ESRRG: variants seen among roughly 807,000 people sequenced by gnomAD.
ESRRG encodes estrogen related receptor gamma, also known as estrogen-related receptor gamma.
ESRRG carries 13 observed loss-of-function variants against 44.0 expected under a neutral mutation model. The observed-to-expected ratio is 0.30, with a 90% CI of 0.19 to 0.47. ESRRG has a LOEUF of 0.47. Among genes scored for constraint, ESRRG ranks in the 20% least tolerant of loss-of-function variants. The pLI, the probability that ESRRG is intolerant of heterozygous loss-of-function variation, is 1.00. For synonymous variants in ESRRG, 215 were observed against 214.6 expected, an observed-to-expected ratio of 1.00 and a Z score of -0.02; for missense variants, 395 against 580.6, an observed-to-expected ratio of 0.68 and a Z score of 3.29.
chr1:217,015,582 G>C (rs1204267051), intron 1 of ESRRG, among the ~76,000 whole-genome samples: 1 of 151,996 alleles, frequency 6.6e-6, no homozygotes, highest in Non-Finnish European at 1.5e-5. Context: ...AACTAAAATT[G>C]TGTACTCAAT....
At position 216,643,878 on chromosome 1, in the gene ESRRG, A is replaced by G. The variant is rs376940656; in HGVS notation, c.589+7095T>C. ...ATTGGGATTTCCAGGACTTTTTCCC[A>G]TTTTGTCCACCCACCAAATAAGTAG... On this transcript the variant is annotated intron_variant, in intron 3 of 6. Coordinates refer to ENST00000408911, the MANE Select transcript of ESRRG (RefSeq NM_001438.4). Among the ~76,000 whole-genome samples the G allele has an allele frequency of 5.3e-5, 8 of 152,146 alleles. No homozygotes were observed. The East Asian group carries it at 1.4e-3, about 26-fold the overall frequency.
At chr1:217,095,536 G>A (rs2092411071) in intron 1 of ESRRG, among the ~76,000 whole-genome samples, 1 of 152,152 alleles carries the variant, frequency 6.6e-6, no homozygotes. Context: ...GCAGTGGGGA[G>A]GGAGGAGGAA....
chr1:217,012,992 T>C (rs528279195), intron 1 of ESRRG, among the ~76,000 whole-genome samples: 1 of 152,204 alleles, frequency 6.6e-6, no homozygotes. Context: ...CAGATGGTTG[T>C]CTTCTCCATG....
At chr1:216,518,479 A>T (rs1468573120) in intron 6 of ESRRG, among the ~76,000 whole-genome samples, 1 of 152,142 alleles carries the variant, frequency 6.6e-6, no homozygotes, top group African/African-American at 2.4e-5. Flanking sequence ...TTAAGGAGGG[A>T]TCTATCCTGA....
chr1:216,575,533 G>T (rs1157054152), intron 3 of ESRRG, among the ~76,000 whole-genome samples: 1 of 152,066 alleles, frequency 6.6e-6, no homozygotes, highest in Non-Finnish European at 1.5e-5. Flanking sequence ...TCATGTGCTA[G>T]GCAACGGCTT....
At chr1:216,630,920 T>C (rs1447717784) in intron 3 of ESRRG, among the ~76,000 whole-genome samples, 1 of 151,490 alleles carries the variant, frequency 6.6e-6, no homozygotes, top group South Asian at 2.1e-4. Flanking sequence ...GTGAGATTTT[T>C]CATCAGATTT....
chr1:216,931,293 C>T (rs2063311490), intron 2 of ESRRG, among the ~76,000 whole-genome samples: 1 of 152,166 alleles, frequency 6.6e-6, no homozygotes, highest in African/African-American at 2.4e-5. Flanking sequence ...TCTAACCTCA[C>T]CTTCAGAACT....
intron 2 of ESRRG, among the ~76,000 whole-genome samples, chr1:216,759,606 A>G (rs576764579): frequency 3.3e-5 from 5 of 152,278 alleles, no homozygotes; most frequent in East Asian, 1.9e-4. Flanking sequence ...AGCTCCTTAC[A>G]TAGTATTGAG....
intron 1 of ESRRG, among the ~76,000 whole-genome samples, chr1:216,690,692 G>A (rs917348462): frequency 6.6e-6 from 1 of 152,078 alleles, no homozygotes; most frequent in Non-Finnish European, 1.5e-5. Flanking sequence ...CCTATGCCCT[G>A]TACCAGATCG....
At chr1:216,792,781 A>G (rs1432242173) in intron 2 of ESRRG, among the ~76,000 whole-genome samples, 1 of 152,192 alleles carries the variant, frequency 6.6e-6, no homozygotes, top group Non-Finnish European at 1.5e-5. Context: ...GTAGTGGCAC[A>G]TGAAGAAAAA....
At chr1:216,973,041 G>A (rs1308238464) in intron 1 of ESRRG, among the ~76,000 whole-genome samples, 2 of 152,080 alleles carry the variant, frequency 1.3e-5, no homozygotes, top group African/African-American at 2.4e-5. Context: ...TCTACCACTG[G>A]AGTCCAAACC....
chr1:216,565,358 G>T (rs1274324859), intron 4 of ESRRG, among the ~76,000 whole-genome samples: 1 of 151,972 alleles, frequency 6.6e-6, no homozygotes, highest in Non-Finnish European at 1.5e-5. Context: ...GATACAAACG[G>T]GTGAGAATAA....
chr1:217,037,850 T>C (rs1309858440), intron 1 of ESRRG, among the ~76,000 whole-genome samples: 1 of 152,002 alleles, frequency 6.6e-6, no homozygotes, highest in Non-Finnish European at 1.5e-5. Context: ...TGGGAGAAAT[T>C]GGCCAAAACG....
chr1:216,624,163 A>C (rs2062770005), intron 3 of ESRRG, among the ~76,000 whole-genome samples: 2 of 152,216 alleles, frequency 1.3e-5, no homozygotes, highest in Non-Finnish European at 2.9e-5. Flanking sequence ...AGCCATAGGC[A>C]GGAGAGTGTT....
At chr1:216,763,404 C>T (rs1295553554) in intron 2 of ESRRG, among the ~76,000 whole-genome samples, 1 of 151,974 alleles carries the variant, frequency 6.6e-6, no homozygotes, top group Non-Finnish European at 1.5e-5. Context: ...GATTTTGAAC[C>T]CTTTGGTTTT....
intron 2 of ESRRG, among the ~76,000 whole-genome samples, chr1:216,817,055 A>G (rs1271718785): frequency 6.7e-6 from 1 of 148,310 alleles, no homozygotes; most frequent in Non-Finnish European, 1.5e-5. Context: ...AAGAAAGAAA[A>G]TGATAAAAAA....
At chr1:216,878,617 A>G (rs906459557) in intron 2 of ESRRG, among the ~76,000 whole-genome samples, 1 of 152,142 alleles carries the variant, frequency 6.6e-6, no homozygotes, top group Admixed American at 6.5e-5. Flanking sequence ...GTTTCCCTCC[A>G]TGTAGTAACA....
At chr1:216,724,128 G>A (rs1201496242), upstream of ESRRG, among the ~76,000 whole-genome samples, 1 of 152,164 alleles carries the variant, frequency 6.6e-6, no homozygotes, top group Non-Finnish European at 1.5e-5. Flanking sequence ...CTACAGAAGA[G>A]GAGATAGTGA....
intron 2 of ESRRG, among the ~76,000 whole-genome samples, chr1:216,873,664 T>C (rs1029086795): frequency 6.6e-6 from 1 of 151,368 alleles, no homozygotes; most frequent in African/African-American, 2.4e-5. Context: ...ATGCCCACAT[T>C]TTTTCCACAC....
Sources: gnomAD v4.1 joint callset for allele counts (sites outside exome capture counted in the v4.1 genomes callset) on GRCh38, gnomAD v4.1.1 for gene constraint, MANE v1.5 for transcripts, NCBI Gene and HGNC (gene_info 2026-07-23, HGNC 2026-07-21) for gene names.